Variants in CDK12 observed in about 807,000 individuals in gnomAD.
CDK12 encodes cyclin-dependent kinase 12.
Under a neutral mutation model 133.8 loss-of-function variants are expected in CDK12, and 17 were observed. The observed-to-expected ratio is 0.13, with a 90% confidence interval of 0.09 to 0.19. The LOEUF (loss-of-function observed/expected upper bound fraction) is 0.19, where lower values mean the gene tolerates loss of function less well. Among genes scored for constraint, CDK12 ranks in the 10% least tolerant of loss-of-function variants. CDK12 has a pLI of 1.00. For missense variants in CDK12, 1,508 were observed against 1,818.7 expected (o/e 0.83, Z 3.11); for synonymous variants, 694 against 683.6 (o/e 1.02, Z -0.24).
chr17:39,538,772 C>T (rs1002517798), downstream of CDK12, among the ~76,000 whole-genome samples: 2 of 152,178 alleles, frequency 1.3e-5, no homozygotes, highest in Non-Finnish European at 2.9e-5. Context: ...GTGGCACAAG[C>T]CTGTAGTCCC....
rs150101295 is a variant in CDK12, at chr17:39,502,453, G to A, written c.2609+1014G>A. ...CAGGCGTGAGCCACCACGCCTGGCC[G>A]GTTCAGTTTTATCTAACAGACATTA... On this transcript the variant is annotated intron_variant, in intron 6 of 13. Coordinates refer to ENST00000447079, the MANE Select transcript of CDK12 (RefSeq NM_016507.4). 1.5e-4 allele frequency among the ~76,000 whole-genome samples: 23 copies of A among 152,024 alleles called. No individual in the cohort carries two copies. In the East Asian group the frequency reaches 1.9e-3, roughly 13 times the overall value.
chr17:39,524,841 A>G lies in CDK12; in HGVS notation c.3263A>G (p.Gln1088Arg). The G allele has an allele frequency of 6.2e-7, 1 of 1,614,200 alleles. No homozygotes were observed. The highest frequency in any genetic ancestry group is 8.5e-7 in the Non-Finnish European group (1 of 1,180,016). ...AAGAACAGCAGCCCAGCACCACCTC[A>G]GCCTGCTCCTGGCAAGGTGGAGTCT... The part of the protein sequence containing the change: ...PVKNSSPAPP[Q>R]PAPGKVESGA... Residue 1088 changes from glutamine (Q) to arginine (R), a missense_variant, in exon 12 of 14, where the codon CAG becomes CGG. Gln to Arg is a conservative substitution (Grantham distance 43). Transcript: ENST00000447079.
intron 2 of CDK12, among the ~76,000 whole-genome samples, chr17:39,482,388 T>C (rs1433588495): frequency 2.0e-5 from 3 of 151,996 alleles, no homozygotes; most frequent in African/African-American, 4.8e-5. Context: ...TTTTAAAGGC[T>C]GTATCTCTAT....
At chr17:39,464,555 TA>T (rs2049161488) in intron 1 of CDK12, among the ~76,000 whole-genome samples, 1 of 151,938 alleles carries the variant, frequency 6.6e-6, no homozygotes, top group South Asian at 2.1e-4. Flanking sequence ...TATTTCAGTG[TA>T]ATTTTTGCTG....
intron 1 of CDK12, among the ~76,000 whole-genome samples, chr17:39,465,311 CTTTTA>C (rs1431885968): frequency 6.8e-6 from 1 of 146,594 alleles, no homozygotes; most frequent in East Asian, 2.0e-4. Flanking sequence ...ATTAATCTAT[CTTTTA>C]TTTTCATTTA....
intron 3 of CDK12, among the ~76,000 whole-genome samples, chr17:39,561,771 CACTT>C (rs780051282): frequency 3.3e-5 from 5 of 152,062 alleles, no homozygotes; most frequent in Admixed American, 1.3e-4. Context: ...TTTCCCCACT[CACTT>C]ACAGCTGCAG....
intron 2 of CDK12, among the ~76,000 whole-genome samples, chr17:39,484,052 C>T (rs2050935181): frequency 1.3e-5 from 2 of 152,082 alleles, no homozygotes; most frequent in African/African-American, 2.4e-5. Context: ...CCATGTTGGC[C>T]ATGCTGGTCT....
rs769197936 is a variant in CDK12 at position 39,530,741 on chromosome 17, G to A, written c.3898G>A (p.Ala1300Thr). ...PQELNPAVTA[A>T]LLQLLSQPEA... is the part of the protein sequence containing the mutation. ...GGAGTTGAACCCAGCCGTGACAGCC[G>A]CCTTGCTGCAACTTTTATCCCAGCC... The change falls in exon 14 of 14, where the codon GCC becomes ACC. Residue 1300 changes from alanine to threonine, a missense_variant. Around this residue, in one of 9 missense-constraint regions of CDK12, gnomAD observed 399 missense variants for 469.6 expected, o/e 0.85. Transcript: ENST00000447079. The A allele has an allele frequency of 2.5e-6, 4 of 1,613,398 alleles. No homozygotes were observed. The highest frequency in any genetic ancestry group is 1.1e-5 in the South Asian group (1 of 91,040).
At chr17:39,551,206 C>T (rs2055941773) in intron 2 of CDK12, 1 of 152,142 alleles carries the variant, frequency 6.6e-6, no homozygotes, top group South Asian at 2.1e-4. Flanking sequence ...TTCTCCATTG[C>T]TTGAAGTCTC....
chr17:39,566,669 T>C (rs953611076), downstream of CDK12, among the ~76,000 whole-genome samples: 3 of 152,164 alleles, frequency 2.0e-5, no homozygotes, highest in Non-Finnish European at 4.4e-5. Flanking sequence ...CTACGCCGTC[T>C]TGGGTGGGCA....
At chr17:39,504,216 A>G (rs6503518) in intron 6 of CDK12, among the ~76,000 whole-genome samples, 94,378 of 152,084 alleles carry the variant, frequency 0.62, 32,438 homozygotes, top group South Asian at 0.89. Context: ...TCTCTTTTGA[A>G]TATGTCTTTT....
At chr17:39,498,351 A>G (rs2052305256) in intron 5 of CDK12, among the ~76,000 whole-genome samples, 2 of 151,886 alleles carry the variant, frequency 1.3e-5, no homozygotes, top group African/African-American at 2.4e-5. Context: ...CAACCTCCCA[A>G]GTAGCTGGGA....
At position 39,490,587 on chromosome 17, in the gene CDK12, G is replaced by C. The variant is rs1456876647; in HGVS notation, c.1962G>C (p.Val654=). 2.5e-6 allele frequency: 4 copies of C among 1,612,422 alleles called. No homozygotes were observed. In the African/African-American group the frequency reaches 4.0e-5, roughly 16 times the overall value. The change falls in exon 3 of 14, where the codon GTG becomes GTC. Residue 654 remains valine, a synonymous_variant. Coordinates refer to ENST00000447079, the MANE Select transcript of CDK12 (RefSeq NM_016507.4). Reference sequence around the variant, plus strand: ...AAGAAACTCTTCCTTCAAAACCTGTGAAGAAAGAGAAGGAACAGAGGACAC... The same window carrying C: ...AAGAAACTCTTCCTTCAAAACCTGTCAAGAAAGAGAAGGAACAGAGGACAC... The part of the protein sequence containing the change: ...SPKETLPSKP[V]KKEKEQRTRH...
rs2055007825 is a variant in CDK12, at chr17:39,533,884, T to C, written c.*2568T>C. ...TTTTCAGTTACGTTATCTATAAACA[T>C]GATGGAAGTAAAGGTTTGGCAGAAT... On this transcript the variant is annotated 3_prime_UTR_variant, in exon 14 of 14. Coordinates refer to ENST00000447079, the MANE Select transcript of CDK12 (RefSeq NM_016507.4). 1 of 232,194 alleles carries C rather than the reference T, an allele frequency of 4.3e-6. No individual in the cohort carries two copies. Among genetic ancestry groups the C allele is most frequent in the Admixed American group, 5.6e-5 (1 of 17,748 alleles). 14.4% of individuals were successfully genotyped at this position (232,194 alleles called of 1,614,324 possible). A position where few individuals can be genotyped will look rare whatever the true frequency, so the allele number is the denominator to read the frequency against.
chr17:39,490,111 A>G (rs913130666), intron 2 of CDK12, among the ~76,000 whole-genome samples: 13 of 151,980 alleles, frequency 8.6e-5, no homozygotes, highest in African/African-American at 3.1e-4. Context: ...TCACGCCTGT[A>G]ATCCCAGCAT....
chr17:39,542,207 A>G (rs2055456284), intron 1 of CDK12, among the ~76,000 whole-genome samples: 1 of 150,554 alleles, frequency 6.6e-6, no homozygotes, highest in African/African-American at 2.4e-5. Flanking sequence ...TTTTTTTGAG[A>G]CGGAGTTTCG....
downstream of CDK12, among the ~76,000 whole-genome samples, chr17:39,536,886 A>T (rs1277638463): frequency 1.3e-5 from 2 of 152,246 alleles, no homozygotes; most frequent in East Asian, 3.8e-4. Context: ...CTTCTGTGGA[A>T]TAAGAAGGTA....
In CDK12 at chr17:39,530,373, T is replaced by C. The variant is rs1312897530; in HGVS notation, c.3761-231T>C. Reference sequence around the variant, plus strand: ...AAATCTTAGACCAAAATCAGGATAATCATTTGAAACATATGATATTTTTAC... The same window carrying C: ...AAATCTTAGACCAAAATCAGGATAACCATTTGAAACATATGATATTTTTAC... On this transcript the variant is annotated intron_variant, in intron 13 of 13. Coordinates refer to ENST00000447079, the MANE Select transcript of CDK12 (RefSeq NM_016507.4). 3 of 491,132 alleles carry C rather than the reference T, an allele frequency of 6.1e-6. No individual in the cohort carries two copies. The Admixed American group carries it at 1.2e-4, about 20-fold the overall frequency. 30.4% of individuals were successfully genotyped at this position (491,132 alleles called of 1,614,324 possible).
At chr17:39,548,103 C>T (rs74914714), upstream of CDK12, among the ~76,000 whole-genome samples, 427 of 152,218 alleles carry the variant, frequency 2.8e-3, 2 homozygotes, top group African/African-American at 9.9e-3. Context: ...CACACGAGGG[C>T]GCTGCTGGCC....
Sources: allele counts gnomAD v4.1 joint callset (sites outside exome capture counted in the v4.1 genomes callset), GRCh38; gene constraint gnomAD v4.1.1; regional missense constraint gnomAD v4.1.1; transcripts MANE v1.5; gene names NCBI Gene and HGNC (gene_info 2026-07-23, HGNC 2026-07-21).